The following SMC1B variants were observed in gnomAD, a reference collection of about 807,000 sequenced individuals.
The protein encoded by SMC1B is structural maintenance of chromosomes 1B.
A neutral mutation model predicts 157.9 loss-of-function variants in SMC1B; 60 were observed. The observed-to-expected ratio is 0.38, with a 90% CI of 0.31 to 0.47. The LOEUF (loss-of-function observed/expected upper bound fraction) is 0.47. Ranked by LOEUF, SMC1B falls within the 20% of genes least tolerant of loss-of-function variation. The pLI is 0.99. For missense variants in SMC1B, 1,165 were observed against 1,426.2 expected (o/e 0.82, Z 2.95); for synonymous variants, 445 against 483.0 (o/e 0.92, Z 1.03).
intron 15 of SMC1B, 85 bp from the exon 16 acceptor site, chr22:45,363,111 T>G: frequency 1.0e-6 from 1 of 957,050 alleles, no homozygotes; most frequent in Non-Finnish European, 1.5e-6. Flanking sequence ...CAAACAAATA[T>G]AAAAGTAAAA....
chr22:45,379,659 G>A (rs934536008), intron 12 of SMC1B, among the ~76,000 whole-genome samples: 6 of 146,374 alleles, frequency 4.1e-5, no homozygotes, highest in South Asian at 2.2e-4. Context: ...AGCACTATTC[G>A]TTTATTATAA....
At chr22:45,396,170 A>G (rs2087121415) in intron 7 of SMC1B, among the ~76,000 whole-genome samples, 176 bp downstream of exon 7, 1 of 152,224 alleles carries the variant, frequency 6.6e-6, no homozygotes, top group Non-Finnish European at 1.5e-5. Flanking sequence ...TTCTACTCAC[A>G]GAACTATCAC....
chr22:45,401,894 T>C (rs1487778709), intron 5 of SMC1B, among the ~76,000 whole-genome samples: 2 of 152,124 alleles, frequency 1.3e-5, no homozygotes, highest in Non-Finnish European at 2.9e-5. Flanking sequence ...ACCACCTTTT[T>C]TTTTTTTGAG....
At chr22:45,360,836 A>C (rs1030228584) in intron 17 of SMC1B, among the ~76,000 whole-genome samples, 3 of 152,232 alleles carry the variant, frequency 2.0e-5, no homozygotes, top group African/African-American at 7.2e-5. Context: ...CAGAGAATTA[A>C]CTTTGTCTAA....
intron 19 of SMC1B, 53 bp downstream of exon 19, chr22:45,358,644 T>C: frequency 9.2e-7 from 1 of 1,091,530 alleles, no homozygotes; most frequent in Admixed American, 2.4e-5. Flanking sequence ...TTCGGTAAGA[T>C]TTAAATATTC....
chr22:45,346,565 A>G (rs2086554169), intron 23 of SMC1B, among the ~76,000 whole-genome samples: 1 of 152,240 alleles, frequency 6.6e-6, no homozygotes, highest in African/African-American at 2.4e-5. Flanking sequence ...AAGCTCTGGA[A>G]GTAGGAATGG....
chr22:45,389,283 T>C (rs994973221), intron 10 of SMC1B, among the ~76,000 whole-genome samples: 2 of 152,186 alleles, frequency 1.3e-5, no homozygotes, highest in Non-Finnish European at 2.9e-5. Flanking sequence ...TCTCAATACA[T>C]ACCTCAAGGC....
chr22:45,411,143 C>T (rs1019184968), intron 1 of SMC1B, among the ~76,000 whole-genome samples: 48 of 152,168 alleles, frequency 3.2e-4, no homozygotes, highest in African/African-American at 1.1e-3. Context: ...AGGTTATAGT[C>T]TGTCAAGAGA....
intron 23 of SMC1B, among the ~76,000 whole-genome samples, chr22:45,347,379 T>C (rs1221255874): frequency 1.3e-5 from 2 of 152,284 alleles, no homozygotes; most frequent in East Asian, 3.9e-4. Context: ...CTCAGATGAA[T>C]ACAATTTGAG....
In SMC1B at chr22:45,371,591, A is replaced by G. The variant is rs1416728283; in HGVS notation, c.2197-4T>C. ...CACTTTGTAACTGAGATTGTTCCTAATAACAAAAGAGAAAAATTTTTTTAA... is the reference window on the plus strand; with the variant it reads ...CACTTTGTAACTGAGATTGTTCCTAGTAACAAAAGAGAAAAATTTTTTTAA... On this transcript the variant is annotated splice_polypyrimidine_tract_variant and splice_region_variant and intron_variant, in intron 13 of 24. Transcript: ENST00000357450. 1 of 1,577,258 alleles carries G rather than the reference A, an allele frequency of 6.3e-7. No individual in the cohort carries two copies. Among genetic ancestry groups the G allele is most frequent in the South Asian group, 1.2e-5 (1 of 82,426 alleles).
chr22:45,402,580 GAGTATAATTCAACAGC>G lies in SMC1B; in HGVS notation c.616-25_616-10del. On this transcript the variant is annotated splice_polypyrimidine_tract_variant and intron_variant, in intron 4 of 24. Coordinates refer to ENST00000357450, the MANE Select transcript of SMC1B (RefSeq NM_148674.5). ...CTCTGGTAACGTTCTGCCTATAAAA[GAGTATAATTCAACAGC>G]AGTTAAAAGGGAGTGTATTTAAGTT... is the stretch of plus-strand genomic sequence containing the variant. 6.3e-7 allele frequency: 1 copy of G among 1,597,794 alleles called. No individual in the cohort carries two copies. The highest frequency in any genetic ancestry group is 8.6e-7 in the Non-Finnish European group (1 of 1,167,892).
intron 9 of SMC1B, among the ~76,000 whole-genome samples, chr22:45,390,507 A>G (rs1015317588): frequency 6.6e-6 from 1 of 152,154 alleles, no homozygotes; most frequent in Non-Finnish European, 1.5e-5. Context: ...AGAGATCGAG[A>G]CCATCCTGGT....
intron 22 of SMC1B, among the ~76,000 whole-genome samples, chr22:45,350,254 CT>C (rs66465413): frequency 0.011 from 1,510 of 131,364 alleles, 21 homozygotes; most frequent in African/African-American, 0.045. Flanking sequence ...CTCCTGAGTT[CT>C]TTTTTTTTTT....
intron 4 of SMC1B, among the ~76,000 whole-genome samples, chr22:45,403,621 G>C (rs1034205757): frequency 7.2e-5 from 11 of 151,750 alleles, no homozygotes; most frequent in Non-Finnish European, 1.6e-4. Context: ...ACCAGGCAAA[G>C]TTTTTTATTT....
chr22:45,385,113 AT>A (rs2086977249), intron 11 of SMC1B, among the ~76,000 whole-genome samples: 1 of 152,190 alleles, frequency 6.6e-6, no homozygotes. Context: ...AGTGGAACAG[AT>A]AGAATAATTA....
At chr22:45,366,234 G>A (rs1405541498) in intron 15 of SMC1B, among the ~76,000 whole-genome samples, 1 of 152,140 alleles carries the variant, frequency 6.6e-6, no homozygotes, top group African/African-American at 2.4e-5. Context: ...ATGTTGCCCA[G>A]GCTGGTCTCA....
At chr22:45,411,416 T>C (rs1249218990) in intron 1 of SMC1B, among the ~76,000 whole-genome samples, 2 of 152,144 alleles carry the variant, frequency 1.3e-5, no homozygotes, top group South Asian at 2.1e-4. Flanking sequence ...AGTGAATTAG[T>C]AGATACCAGG....
At chr22:45,410,136 A>G (rs1300019402) in intron 1 of SMC1B, among the ~76,000 whole-genome samples, 1 of 152,310 alleles carries the variant, frequency 6.6e-6, no homozygotes, top group East Asian at 1.9e-4. Context: ...TGCCTCATAT[A>G]TCCTTTCCCT....
At chr22:45,354,220 G>C in intron 20 of SMC1B, 88 bp from the exon 21 acceptor site, 3 of 1,121,890 alleles carry the variant, frequency 2.7e-6, no homozygotes, top group Non-Finnish European at 3.6e-6. Context: ...TTTTAAAATT[G>C]GATTTGAGTT....
Sources: gnomAD v4.1 joint callset for allele counts (sites outside exome capture counted in the v4.1 genomes callset) on GRCh38, gnomAD v4.1.1 for gene constraint, MANE v1.5 for transcripts, NCBI Gene and HGNC (gene_info 2026-07-23, HGNC 2026-07-21) for gene names.